Variants in ASAH1 observed in about 807,000 individuals in gnomAD.
ASAH1 encodes the protein N-acylsphingosine amidohydrolase 1.
Under a neutral mutation model 59.5 loss-of-function variants are expected in ASAH1, and 70 were observed. That is an observed-to-expected ratio of 1.18 (90% CI 0.97 to 1.43). ASAH1 has a LOEUF of 1.43. Ranked by LOEUF, ASAH1 falls within the 40% of genes most tolerant of loss-of-function variation. The probability of loss-of-function intolerance (pLI) is 0.00; values close to 1 mark genes in which losing one functional copy is unlikely to be tolerated. For synonymous variants in ASAH1, 213 were observed against 166.5 expected (o/e 1.28, Z -2.15); for missense variants, 660 against 482.5 (o/e 1.37, Z -3.45).
intron 3 of ASAH1, among the ~76,000 whole-genome samples, chr8:18,071,088 T>C (rs1465630337): frequency 6.6e-6 from 1 of 151,904 alleles, no homozygotes; most frequent in African/African-American, 2.4e-5. Context: ...GTGCCTGTAA[T>C]TCCAGCTACT....
intron 10 of ASAH1, chr8:18,061,148 T>G: frequency 2.5e-6 from 1 of 402,210 alleles, no homozygotes; most frequent in Non-Finnish European, 4.5e-6. Flanking sequence ...TAGGTGCCTT[T>G]CATAATGTCA....
chr8:18,067,177 A>G (rs1273944893), intron 5 of ASAH1, 43 bp downstream of exon 5: 5 of 1,289,734 alleles, frequency 3.9e-6, no homozygotes, highest in Non-Finnish European at 5.4e-6. Context: ...CTTGTAAAAG[A>G]ATTTAATTAC....
At chr8:18,073,238 G>A in intron 2 of ASAH1, 1 of 1,566,596 alleles carries the variant, frequency 6.4e-7, no homozygotes, top group Non-Finnish European at 8.7e-7. Context: ...TTCCCCATAA[G>A]AATAAAAGAG....
rs150585094 is a variant in ASAH1, at chr8:18,059,442, A to G, written c.940T>C (p.Trp314Arg). The G allele has an allele frequency of 2.5e-5, 40 of 1,614,092 alleles. No homozygotes were observed. The highest frequency in any genetic ancestry group is 3.2e-5 in the Non-Finnish European group (38 of 1,180,050). The change falls in exon 12 of 14, where the codon TGG becomes CGG. Residue 314 changes from tryptophan to arginine, a missense_variant. By Grantham distance (101) the Trp-to-Arg change is moderately radical. Coordinates refer to ENST00000637790, the MANE Select transcript of ASAH1 (RefSeq NM_177924.5). Reference protein sequence around the residue: ...VYELDAKQGRWYVVQTNYDRW... With the variant: ...VYELDAKQGRRYVVQTNYDRW... ...TCATAATTTGTTTGTACCACATACC[A>G]TCTACCCTGCTTAGCATCGAGTCTA...
At chr8:18,072,975 C>T (rs1800234413) in intron 2 of ASAH1, among the ~76,000 whole-genome samples, 1 of 152,110 alleles carries the variant, frequency 6.6e-6, no homozygotes, top group African/African-American at 2.4e-5. Flanking sequence ...TGGGTAGGTT[C>T]ATGGATCTCA....
intron 5 of ASAH1, chr8:18,066,011 C>G (rs577459506): frequency 5.3e-4 from 81 of 151,696 alleles, no homozygotes; most frequent in African/African-American, 1.9e-3. Context: ...ACTGGATATA[C>G]CACATGAGAA....
chr8:18,063,275 T>G, intron 6 of ASAH1, 45 bp from the exon 7 acceptor site: 5 of 1,513,276 alleles, frequency 3.3e-6, no homozygotes, highest in Non-Finnish European at 4.6e-6. Flanking sequence ...CAGTTAAGAT[T>G]CTAAATCAAA....
chr8:18,075,017 A>T (rs1225835613), intron 2 of ASAH1, among the ~76,000 whole-genome samples: 1 of 122,746 alleles, frequency 8.1e-6, no homozygotes, highest in Admixed American at 8.5e-5. Flanking sequence ...TTTTTTTGAG[A>T]CAGAGTCTCA....
At chr8:18,084,132 AC>A, upstream of ASAH1, 1 of 1,580,090 alleles carries the variant, frequency 6.3e-7, no homozygotes, top group South Asian at 1.1e-5. Flanking sequence ...GGGGCAGGCC[AC>A]GCCCCCTCCG....
chr8:18,069,664 G>C, intron 4 of ASAH1, 128 bp downstream of exon 4: 1 of 668,932 alleles, frequency 1.5e-6, no homozygotes, highest in East Asian at 2.7e-5. Context: ...CTGAAGTTCT[G>C]ACAGTGAGCT....
At chr8:18,084,520 C>T (rs1800815994), upstream of ASAH1, 2 of 1,379,888 alleles carry the variant, frequency 1.4e-6, no homozygotes, top group Non-Finnish European at 9.9e-7. Flanking sequence ...AATGTAACAT[C>T]CCACCCTGAC....
rs1465344485 is a variant in ASAH1, at chr8:18,058,911, T to A, written c.1042-20A>T. The A allele has an allele frequency of 1.9e-6, 3 of 1,602,082 alleles. No homozygotes were observed. The highest frequency in any genetic ancestry group is 2.6e-6 in the Non-Finnish European group (3 of 1,169,370). ...GATATTCTAAAACACAAGAAAATAG[T>A]TTTGTTCAGTAAGTTAAATACAGAA... is the stretch of plus-strand genomic sequence containing the variant. On this transcript the variant is annotated intron_variant, in intron 12 of 13. Transcript: ENST00000637790.
At chr8:18,064,318 T>C (rs1588982019) in intron 6 of ASAH1, 139 bp downstream of exon 6, 1 of 721,626 alleles carries the variant, frequency 1.4e-6, no homozygotes, top group East Asian at 2.7e-5. Context: ...CACAAAATTT[T>C]ACCAAGAAAT....
intron 5 of ASAH1, chr8:18,066,736 A>C (rs948767983): frequency 1.3e-5 from 2 of 157,000 alleles, no homozygotes; most frequent in Admixed American, 1.3e-4. Flanking sequence ...ATATATCCAG[A>C]AAATGAGTAC....
intron 1 of ASAH1, among the ~76,000 whole-genome samples, chr8:18,080,756 C>G (rs1652887335): frequency 6.6e-6 from 1 of 152,136 alleles, no homozygotes; most frequent in South Asian, 2.1e-4. Flanking sequence ...CAGGGTTTCT[C>G]CATGTTGGCC....
At chr8:18,071,197 A>T in intron 3 of ASAH1, 103 bp downstream of exon 3, 1 of 576,004 alleles carries the variant, frequency 1.7e-6, no homozygotes. Flanking sequence ...ACAGAGTGAG[A>T]CTCTGTCTCA....
At chr8:18,061,795 CCT>C (rs1269430238) in intron 8 of ASAH1, 55 bp from the exon 9 acceptor site, 3 of 1,488,452 alleles carry the variant, frequency 2.0e-6, no homozygotes, top group Non-Finnish European at 2.8e-6. Context: ...GCTTTAAGGC[CCT>C]GTCGCTCACT....
In ASAH1 at chr8:18,063,233, A is replaced by C. The variant is rs1292933041; in HGVS notation, c.458-3T>G. 7 of 1,612,716 alleles carry C rather than the reference A, an allele frequency of 4.3e-6. No homozygotes were observed. The highest frequency in any genetic ancestry group is 5.1e-6 in the Non-Finnish European group (6 of 1,178,926). ...GTTTCTCCCATGTATTAGATGACCT[A>C]TTTGAAGGTAGACAGAAGAGACGTG... On this transcript the variant is annotated splice_region_variant and splice_polypyrimidine_tract_variant and intron_variant, in intron 6 of 13. Coordinates refer to ENST00000637790, the MANE Select transcript of ASAH1 (RefSeq NM_177924.5).
chr8:18,067,097 CTG>C (rs1799957696), intron 5 of ASAH1, 121 bp downstream of exon 5: 18 of 113,732 alleles, frequency 1.6e-4, no homozygotes, highest in Non-Finnish European at 4.1e-4. Context: ...TATCTAAGAC[CTG>C]TGCACCTGTG....
Sources: allele counts gnomAD v4.1 joint callset (sites outside exome capture counted in the v4.1 genomes callset), GRCh38; gene constraint gnomAD v4.1.1; transcripts MANE v1.5; gene names NCBI Gene and HGNC (gene_info 2026-07-23, HGNC 2026-07-21).